Variants in C8orf34 observed in about 807,000 individuals in gnomAD.
The protein encoded by C8orf34 is uncharacterized protein C8orf34.
Under a neutral mutation model 68.3 loss-of-function variants are expected in C8orf34, and 65 were observed. That is an observed-to-expected ratio of 0.95 (90% CI 0.78 to 1.17). The LOEUF is 1.17. Among genes scored for constraint, C8orf34 ranks in the 50% most tolerant of loss-of-function variants. C8orf34 has a pLI of 0.00. For missense variants in C8orf34, 664 were observed against 655.4 expected, an observed-to-expected ratio of 1.01 and a Z score of -0.14; for synonymous variants, 244 against 241.2, an observed-to-expected ratio of 1.01 and a Z score of -0.11.
intron 3 of C8orf34, among the ~76,000 whole-genome samples, chr8:68,462,114 A>G (rs1226096171): frequency 1.3e-5 from 2 of 152,216 alleles, no homozygotes; most frequent in East Asian, 3.9e-4. Context: ...AGCAAATGGA[A>G]AACAAAAAAA....
intron 12 of C8orf34, among the ~76,000 whole-genome samples, chr8:68,793,949 A>G (rs961863834): frequency 1.7e-4 from 26 of 152,232 alleles, no homozygotes; most frequent in Non-Finnish European, 2.6e-4. Context: ...TAAATAGTTC[A>G]TAATTACAAA....
chr8:68,523,978 T>A (rs1021773833), intron 6 of C8orf34, among the ~76,000 whole-genome samples: 2 of 152,218 alleles, frequency 1.3e-5, no homozygotes, highest in African/African-American at 4.8e-5. Flanking sequence ...TCGTTTGACA[T>A]CTGTTACATG....
At chr8:68,532,079 C>T (rs1372569221) in intron 6 of C8orf34, among the ~76,000 whole-genome samples, 2 of 152,034 alleles carry the variant, frequency 1.3e-5, no homozygotes, top group Non-Finnish European at 2.9e-5. Flanking sequence ...CTTGAGACTC[C>T]CTTTCTCCAC....
intron 4 of C8orf34, among the ~76,000 whole-genome samples, chr8:68,481,577 G>A (rs986690470): frequency 6.6e-6 from 1 of 152,200 alleles, no homozygotes; most frequent in Non-Finnish European, 1.5e-5. Flanking sequence ...AAGCCACAGG[G>A]GCGGGGCTGC....
chr8:68,779,637 A>T (rs2958334), intron 11 of C8orf34, among the ~76,000 whole-genome samples: 73,958 of 151,946 alleles, frequency 0.49, 20,490 homozygotes, highest in African/African-American at 0.76. Context: ...AGTTTTGGCC[A>T]GCTTGTCTTG....
intron 9 of C8orf34, among the ~76,000 whole-genome samples, chr8:68,719,052 T>G (rs1821556884): frequency 6.6e-6 from 1 of 152,118 alleles, no homozygotes. Flanking sequence ...CAGAGCAAAA[T>G]AGCTTGCACA....
At chr8:68,704,768 C>T (rs897438055) in intron 8 of C8orf34, among the ~76,000 whole-genome samples, 1 of 149,142 alleles carries the variant, frequency 6.7e-6, no homozygotes, top group South Asian at 2.1e-4. Context: ...AGCAAGAGGT[C>T]TTGACATTAT....
chr8:68,593,199 T>A (rs1161020349), intron 7 of C8orf34, among the ~76,000 whole-genome samples: 2 of 152,158 alleles, frequency 1.3e-5, no homozygotes, highest in Non-Finnish European at 2.9e-5. Context: ...TTAAATCAAT[T>A]GCACTAATAG....
intron 1 of C8orf34, among the ~76,000 whole-genome samples, chr8:68,435,828 A>G (rs1252926289): frequency 1.3e-5 from 2 of 152,304 alleles, no homozygotes; most frequent in East Asian, 3.9e-4. Flanking sequence ...TTTAATCTCC[A>G]TGGCAACCGT....
At chr8:68,818,190 T>TAAAC in intron 13 of C8orf34, 49 bp from the exon 14 acceptor site, 1 of 1,599,720 alleles carries the variant, frequency 6.3e-7, no homozygotes, top group Non-Finnish European at 8.6e-7. Flanking sequence ...TGCTATAATG[T>TAAAC]AAACATGTTA....
intron 5 of C8orf34, among the ~76,000 whole-genome samples, chr8:68,509,214 C>A (rs1289818740): frequency 6.6e-6 from 1 of 152,174 alleles, no homozygotes; most frequent in African/African-American, 2.4e-5. Context: ...AGAGGCCAAT[C>A]TAAGGGTTCC....
At chr8:68,651,925 T>G (rs533869543) in intron 8 of C8orf34, among the ~76,000 whole-genome samples, 4 of 152,180 alleles carry the variant, frequency 2.6e-5, no homozygotes, top group Non-Finnish European at 5.9e-5. Context: ...TATATTGTCT[T>G]GAGAAAGTCT....
intron 8 of C8orf34, among the ~76,000 whole-genome samples, chr8:68,661,500 A>C (rs1337932638): frequency 5.9e-5 from 9 of 152,230 alleles, no homozygotes; most frequent in African/African-American, 2.2e-4. Flanking sequence ...AGAATTTATT[A>C]AGTGAAACGA....
At chr8:68,535,149 T>A (rs1003139613) in intron 7 of C8orf34, 51 of 984,908 alleles carry the variant, frequency 5.2e-5, no homozygotes, top group Non-Finnish European at 6.0e-5. Flanking sequence ...TGAAATGGAT[T>A]CCAGCAAAAT....
chr8:68,351,288 C>T (rs918127797), intron 1 of C8orf34, among the ~76,000 whole-genome samples: 23 of 151,978 alleles, frequency 1.5e-4, no homozygotes, highest in African/African-American at 5.3e-4. Flanking sequence ...ATATAGGCCT[C>T]CTATTTATTC....
At position 68,787,508 on chromosome 8, in the gene C8orf34, T is replaced by C. The variant is rs1409191176; in HGVS notation, c.1521T>C (p.Ser507=). Residue 507 remains serine (S), a synonymous_variant, in exon 12 of 14, where the codon AGT becomes AGC. Transcript: ENST00000518698. The part of the protein sequence containing the change: ...QPWILPSDTE[S]EGVEAEQEKR... Reference sequence around the variant, plus strand: ...GGATCTTGCCAAGTGACACAGAAAGTGAAGGAGTGGAAGCAGAACAAGAGA... The same window carrying C: ...GGATCTTGCCAAGTGACACAGAAAGCGAAGGAGTGGAAGCAGAACAAGAGA... The C allele has an allele frequency of 6.2e-7, 1 of 1,611,880 alleles. No homozygotes were observed. The highest frequency in any genetic ancestry group is 1.1e-5 in the South Asian group (1 of 90,806).
chr8:68,603,742 G>C (rs1030361977), intron 7 of C8orf34, among the ~76,000 whole-genome samples: 3 of 151,992 alleles, frequency 2.0e-5, no homozygotes, highest in Middle Eastern at 3.2e-3. Context: ...TATGAGTATA[G>C]GTATTGGCTG....
At chr8:68,599,854 A>C (rs563231995) in intron 7 of C8orf34, among the ~76,000 whole-genome samples, 1 of 152,134 alleles carries the variant, frequency 6.6e-6, no homozygotes, top group East Asian at 1.9e-4. Context: ...ACAAAAAAGT[A>C]TATGTGTGTG....
At chr8:68,757,460 T>C (rs558229223) in intron 10 of C8orf34, among the ~76,000 whole-genome samples, 5 of 152,080 alleles carry the variant, frequency 3.3e-5, no homozygotes, top group African/African-American at 1.2e-4. Flanking sequence ...TGAAACCCCG[T>C]CTCTACTAAA....
Sources: gnomAD v4.1 joint callset for allele counts (sites outside exome capture counted in the v4.1 genomes callset) on GRCh38, gnomAD v4.1.1 for gene constraint, MANE v1.5 for transcripts, NCBI Gene and HGNC (gene_info 2026-07-23, HGNC 2026-07-21) for gene names.